Variants in TRIM36 observed in about 807,000 individuals in gnomAD.
The protein encoded by TRIM36 is E3 ubiquitin-protein ligase TRIM36.
Under a neutral mutation model 72.4 loss-of-function variants are expected in TRIM36, and 42 were observed. That is an observed-to-expected ratio of 0.58 (90% confidence interval 0.45 to 0.75). The LOEUF is 0.75. TRIM36 is among the 30% of genes least tolerant of loss of function. The probability of loss-of-function intolerance (pLI) is 0.00; values close to 1 mark genes in which losing one functional copy is unlikely to be tolerated. For missense variants in TRIM36, 913 were observed against 857.1 expected (o/e 1.07, Z -0.81); for synonymous variants, 315 against 282.8 (o/e 1.11, Z -1.14).
At position 115,134,120 on chromosome 5, in the gene TRIM36, T is replaced by C. The variant is rs1019627362; in HGVS notation, c.1238A>G (p.Glu413Gly). The C allele has an allele frequency of 5.6e-6, 9 of 1,600,342 alleles. No homozygotes were observed. Among genetic ancestry groups the C allele is most frequent in the Admixed American group, 3.5e-5 (2 of 57,922 alleles). Reference sequence around the variant, plus strand: ...GGCATTGTTATAAACTTTGCTCTGTTCCTCATTGATCTCTGGCACGTCTAT... The same window carrying C: ...GGCATTGTTATAAACTTTGCTCTGTCCCTCATTGATCTCTGGCACGTCTAT... ...SGIDVPEINE[E>G]QSKVYNNALI... Residue 413 changes from glutamate (E) to glycine (G), a missense_variant, in exon 8 of 10, where the codon GAA (glutamate) becomes GGA (glycine). Physicochemically the swap from Glu to Gly is moderately conservative, Grantham distance 98. Transcript: ENST00000513154.
intron 1 of TRIM36, among the ~76,000 whole-genome samples, chr5:115,176,328 C>A (rs1034896170): frequency 6.6e-6 from 1 of 152,020 alleles, no homozygotes; most frequent in African/African-American, 2.4e-5. Context: ...AAGACTAATT[C>A]TTTCAGAGTG....
intron 5 of TRIM36, 91 bp downstream of exon 5, chr5:115,141,188 A>C: frequency 4.3e-6 from 4 of 939,144 alleles, no homozygotes; most frequent in Non-Finnish European, 6.4e-6. Context: ...TTCCCAGCTC[A>C]TATAATACTC....
At position 115,144,749 on chromosome 5, in the gene TRIM36, T is replaced by C. The variant is rs1753486207; in HGVS notation, c.589-5A>G. 1.2e-6 allele frequency: 2 copies of C among 1,609,724 alleles called. No individual in the cohort carries two copies. The highest frequency in any genetic ancestry group is 1.7e-6 in the Non-Finnish European group (2 of 1,179,050). On this transcript the variant is annotated splice_region_variant and splice_polypyrimidine_tract_variant and intron_variant, in intron 3 of 9. Coordinates refer to ENST00000513154, the MANE Select transcript of TRIM36 (RefSeq NM_001300759.2). ...ATGTTCTGGGCACATTAAAATCTAT[T>C]GAGTAAAGAATAAAAGTGTGATTAA...
chr5:115,147,433 G>C (rs2112843783), intron 2 of TRIM36, 39 bp from the exon 3 acceptor site: 1 of 1,574,844 alleles, frequency 6.3e-7, no homozygotes, highest in Non-Finnish European at 8.7e-7. Flanking sequence ...TATAGCAGTA[G>C]GAAAATGATT....
chr5:115,176,079 T>C (rs1325842824), intron 1 of TRIM36, among the ~76,000 whole-genome samples: 1 of 152,016 alleles, frequency 6.6e-6, no homozygotes, highest in African/African-American at 2.4e-5. Context: ...GAGCCTGAGA[T>C]TGCACCACTG....
upstream of TRIM36, among the ~76,000 whole-genome samples, chr5:115,170,544 G>C (rs1283160629): frequency 2.0e-5 from 3 of 152,164 alleles, no homozygotes; most frequent in South Asian, 2.1e-4. Flanking sequence ...CCCTGGCCCC[G>C]CCCGGCTTGT....
At position 115,147,692 on chromosome 5, in the gene TRIM36, ATAC is replaced by A. The variant is rs367797865; in HGVS notation, c.263-301_263-299del. On this transcript the variant is annotated intron_variant, in intron 2 of 9. Transcript: ENST00000513154. ...ATATAAAGATAAAACACGTAATACAATACTACATGGCGTTAAGATCTTTTAAAA... is the reference window on the plus strand; with the variant it reads ...ATATAAAGATAAAACACGTAATACAATACATGGCGTTAAGATCTTTTAAAA... Among the ~76,000 whole-genome samples the A allele has an allele frequency of 3.5e-3, 534 of 152,338 alleles. 2 individuals are homozygous for A. Among genetic ancestry groups the A allele is most frequent in the African/African-American group, 0.012 (513 of 41,574 alleles).
chr5:115,133,381 A>G (rs1752793932), intron 8 of TRIM36, among the ~76,000 whole-genome samples: 1 of 152,186 alleles, frequency 6.6e-6, no homozygotes, highest in African/African-American at 2.4e-5. Context: ...TGGTTCTAAT[A>G]TATGGCTTCC....
chr5:115,164,694 T>C (rs1358140523), intron 1 of TRIM36, among the ~76,000 whole-genome samples: 1 of 152,294 alleles, frequency 6.6e-6, no homozygotes, highest in South Asian at 2.1e-4. Context: ...CCTAACCATA[T>C]CATTGTGGCC....
At chr5:115,160,232 A>G (rs1754407160) in intron 2 of TRIM36, among the ~76,000 whole-genome samples, 1 of 152,204 alleles carries the variant, frequency 6.6e-6, no homozygotes, top group Admixed American at 6.5e-5. Flanking sequence ...AATCTAATGC[A>G]AAATAATCCA....
In TRIM36 at chr5:115,147,009, A is replaced by G. The variant is rs1364565993; in HGVS notation, c.588+60T>C. 3.5e-6 allele frequency: 5 copies of G among 1,415,692 alleles called. No homozygotes were observed. The African/African-American group carries it at 5.8e-5, about 16-fold the overall frequency. 87.7% of individuals were successfully genotyped at this position (1,415,692 alleles called of 1,614,324 possible). ...TAATTTATTTCGTAACATTAAGTAC[A>G]TAAAAGTTTCATAACATTAAGTTAA... On this transcript the variant is annotated intron_variant, in intron 3 of 9. Transcript: ENST00000513154.
intron 9 of TRIM36, 27 bp from the exon 10 acceptor site, chr5:115,126,884 T>C (rs559487868): frequency 6.3e-7 from 1 of 1,576,158 alleles, no homozygotes; most frequent in Non-Finnish European, 8.6e-7. Context: ...AGCATCTGTA[T>C]CTTCAACAAT....
Position 115,144,605 on chromosome 5 carries a change from G to A in TRIM36, c.728C>T (p.Thr243Ile), listed in dbSNP as rs1264403176. 1 of 1,613,364 alleles carries A rather than the reference G, an allele frequency of 6.2e-7. No individual in the cohort carries two copies. Among genetic ancestry groups the A allele is most frequent in the Non-Finnish European group, 8.5e-7 (1 of 1,179,868 alleles). Residue 243 changes from threonine (T) to isoleucine (I), a missense_variant, in exon 4 of 10, where the codon ACC (threonine) becomes ATC (isoleucine). Coordinates refer to ENST00000513154, the MANE Select transcript of TRIM36 (RefSeq NM_001300759.2). The part of the protein sequence containing the change: ...RVTTMSSAYK[T>I]LKEKLSKDID... ...TCCAAAAATAAGTCCTACCTTTAAG[G>A]TTTTGTAGGCACTGCTCATAGTGGT...
upstream of TRIM36, among the ~76,000 whole-genome samples, chr5:115,170,313 C>T (rs1314920970): frequency 6.6e-6 from 1 of 152,228 alleles, no homozygotes; most frequent in African/African-American, 2.4e-5. Context: ...GGCCCCTGGC[C>T]CTGCGCTGCC....
chr5:115,148,579 T>C (rs774556077), intron 2 of TRIM36, among the ~76,000 whole-genome samples: 6 of 151,792 alleles, frequency 4.0e-5, no homozygotes, highest in Non-Finnish European at 8.8e-5. Flanking sequence ...CCTAGCTAAT[T>C]TTTATATTTT....
Position 115,125,117 on chromosome 5 carries a change from A to G in TRIM36, c.*1386T>C, listed in dbSNP as rs1230140224. 6.6e-6 allele frequency: 1 copy of G among 152,456 alleles called. No individual in the cohort carries two copies. The highest frequency in any genetic ancestry group is 6.6e-5 in the Admixed American group (1 of 15,258). The allele number at this position is 152,456 out of a possible 1,614,324, so 9.4% of individuals were successfully genotyped here. On this transcript the variant is annotated 3_prime_UTR_variant, in exon 10 of 10. Coordinates refer to ENST00000513154, the MANE Select transcript of TRIM36 (RefSeq NM_001300759.2). ...CTACCAGCCTGAGTAACAGATTTCC[A>G]TTAAAAATATAACAACAAGGACAAC...
At chr5:115,157,518 C>G (rs1268485750) in intron 2 of TRIM36, among the ~76,000 whole-genome samples, 1 of 152,012 alleles carries the variant, frequency 6.6e-6, no homozygotes, top group Non-Finnish European at 1.5e-5. Context: ...GAGCCAAGAT[C>G]ACGCCATTGC....
upstream of TRIM36, among the ~76,000 whole-genome samples, chr5:115,173,160 G>A (rs1485582355): frequency 6.6e-6 from 1 of 152,056 alleles, no homozygotes; most frequent in Non-Finnish European, 1.5e-5. Flanking sequence ...AGCCTCCCAG[G>A]ATACCAAGAC....
intron 4 of TRIM36, 37 bp downstream of exon 4, chr5:115,144,561 C>G: frequency 1.2e-6 from 2 of 1,611,212 alleles, no homozygotes; most frequent in Non-Finnish European, 8.5e-7. Flanking sequence ...AGTAAAGTTA[C>G]GAAGAATCAA....
Sources: gnomAD v4.1 joint callset for allele counts (sites outside exome capture counted in the v4.1 genomes callset) on GRCh38, gnomAD v4.1.1 for gene constraint, MANE v1.5 for transcripts, NCBI Gene and HGNC (gene_info 2026-07-23, HGNC 2026-07-21) for gene names.